Variants in ITGA8 observed in about 807,000 individuals in gnomAD.
The protein encoded by ITGA8 is integrin subunit alpha 8, also known as integrin alpha-8.
ITGA8 carries 91 observed loss-of-function variants against 142.3 expected under a neutral mutation model. That is an observed-to-expected ratio of 0.64 (90% CI 0.54 to 0.76). The LOEUF is 0.76. Among genes scored for constraint, ITGA8 ranks in the 30% least tolerant of loss-of-function variants. ITGA8 has a pLI of 0.00. For synonymous variants in ITGA8, 505 were observed against 485.2 expected (o/e 1.04, Z -0.54); for missense variants, 1,406 against 1,327.7 (o/e 1.06, Z -0.92).
At chr10:15,699,750 C>T (rs1043184699) in intron 2 of ITGA8, among the ~76,000 whole-genome samples, 6 of 152,200 alleles carry the variant, frequency 3.9e-5, no homozygotes, top group East Asian at 1.9e-4. Context: ...GACATGGCAA[C>T]TGATCTCCAA....
chr10:15,577,420 A>T (rs959799366), intron 23 of ITGA8, among the ~76,000 whole-genome samples: 3 of 152,098 alleles, frequency 2.0e-5, no homozygotes, highest in Middle Eastern at 3.4e-3. Flanking sequence ...AGTACCATCT[A>T]CTCTATTTCT....
intron 2 of ITGA8, among the ~76,000 whole-genome samples, chr10:15,712,437 C>CA (rs779716061): frequency 4.0e-5 from 6 of 151,796 alleles, no homozygotes; most frequent in South Asian, 2.1e-4. Context: ...CAAAACAAAA[C>CA]AAAAAATCAC....
chr10:15,618,914 C>A (rs1028575984), intron 13 of ITGA8, among the ~76,000 whole-genome samples: 2 of 152,156 alleles, frequency 1.3e-5, no homozygotes, highest in Admixed American at 1.3e-4. Context: ...CTCTAGAGAA[C>A]CCTGACTGAT....
chr10:15,537,154 C>G (rs963391727), intron 27 of ITGA8, among the ~76,000 whole-genome samples: 1 of 152,168 alleles, frequency 6.6e-6, no homozygotes, highest in Non-Finnish European at 1.5e-5. Context: ...CAGAAACCAA[C>G]ATAACGCAAC....
intron 13 of ITGA8, among the ~76,000 whole-genome samples, chr10:15,636,967 A>T (rs937421743): frequency 2.0e-5 from 3 of 152,180 alleles, no homozygotes; most frequent in Non-Finnish European, 4.4e-5. Flanking sequence ...CAACATGGTG[A>T]AACCCCATCT....
chr10:15,606,244 C>T lies in ITGA8; in HGVS notation c.1902+41G>A, dbSNP rs2282383. 1,200,045 of 1,554,668 alleles carry T rather than the reference C, an allele frequency of 0.77. 465,916 individuals are homozygous for T. The highest frequency in any genetic ancestry group is 0.87 in the South Asian group (74,213 of 84,942). On this transcript the variant is annotated intron_variant, in intron 18 of 29. Coordinates refer to ENST00000378076, the MANE Select transcript of ITGA8 (RefSeq NM_003638.3). ...GCCATGAGAACAACACCCCAGAGAG[C>T]TTGCTTGAGAAAATGCCGTCAAAGA...
At chr10:15,716,066 C>T (rs1835445424) in intron 2 of ITGA8, among the ~76,000 whole-genome samples, 1 of 152,226 alleles carries the variant, frequency 6.6e-6, no homozygotes, top group African/African-American at 2.4e-5. Context: ...TTCTCCTCCC[C>T]AGTGGGACCT....
intron 13 of ITGA8, among the ~76,000 whole-genome samples, chr10:15,617,697 C>A (rs374853982): frequency 3.9e-5 from 6 of 152,188 alleles, no homozygotes; most frequent in African/African-American, 1.4e-4. Context: ...CTGCACCTGG[C>A]GGGCTTTTCT....
intron 13 of ITGA8, among the ~76,000 whole-genome samples, chr10:15,631,430 G>C (rs7078143): frequency 0.22 from 32,823 of 151,694 alleles, 3,839 homozygotes; most frequent in Admixed American, 0.31. Flanking sequence ...CATGGATGAA[G>C]CTGGAAGTCA....
intron 22 of ITGA8, among the ~76,000 whole-genome samples, chr10:15,587,865 T>A (rs1588660787): frequency 6.6e-6 from 1 of 152,198 alleles, no homozygotes; most frequent in Non-Finnish European, 1.5e-5. Flanking sequence ...GTGTGTGCTA[T>A]AAGGAAAATA....
intron 28 of ITGA8, among the ~76,000 whole-genome samples, chr10:15,528,748 G>A (rs1408612509): frequency 6.6e-6 from 1 of 152,108 alleles, no homozygotes; most frequent in Non-Finnish European, 1.5e-5. Context: ...ATAAGCCTTT[G>A]AACATTTTTA....
intron 11 of ITGA8, among the ~76,000 whole-genome samples, chr10:15,647,468 T>TTG (rs1420571851): frequency 2.1e-5 from 3 of 144,942 alleles, no homozygotes; most frequent in Non-Finnish European, 3.0e-5. Context: ...TTTTTTTTTT[T>TTG]TTTTTGAGAC....
At chr10:15,548,098 A>ATTTTTTT (rs1213511861) in intron 27 of ITGA8, among the ~76,000 whole-genome samples, 1,493 of 147,254 alleles carry the variant, frequency 0.01, 35 homozygotes, top group African/African-American at 0.035. Context: ...TCAAGTTTTA[A>ATTTTTTT]TTTTTTTTTT....
intron 10 of ITGA8, among the ~76,000 whole-genome samples, chr10:15,657,744 T>C (rs1834213142): frequency 6.6e-6 from 1 of 152,190 alleles, no homozygotes; most frequent in African/African-American, 2.4e-5. Flanking sequence ...TCAAATTTAA[T>C]TAACATGGTT....
At chr10:15,642,203 T>A (rs147388070) in intron 13 of ITGA8, among the ~76,000 whole-genome samples, 78 of 152,342 alleles carry the variant, frequency 5.1e-4, no homozygotes, top group African/African-American at 1.8e-3. Context: ...TTTCCCTTCC[T>A]GCTGCTTTTA....
chr10:15,666,532 G>A (rs558388247), intron 8 of ITGA8, among the ~76,000 whole-genome samples: 6 of 152,106 alleles, frequency 3.9e-5, no homozygotes, highest in East Asian at 3.9e-4. Context: ...CCTGATTGCC[G>A]TGGCCAGAAC....
intron 8 of ITGA8, among the ~76,000 whole-genome samples, chr10:15,671,145 G>A (rs977591517): frequency 6.6e-6 from 1 of 152,170 alleles, no homozygotes; most frequent in African/African-American, 2.4e-5. Flanking sequence ...CAGGAGATAG[G>A]GATTCGTTTG....
chr10:15,644,423 A>G (rs1833929510), intron 12 of ITGA8, among the ~76,000 whole-genome samples: 1 of 120,126 alleles, frequency 8.3e-6, no homozygotes, highest in African/African-American at 3.1e-5. Flanking sequence ...GCATACCACC[A>G]TGTCAGGCTA....
At chr10:15,665,233 T>C (rs920118210) in intron 8 of ITGA8, among the ~76,000 whole-genome samples, 4 of 152,242 alleles carry the variant, frequency 2.6e-5, no homozygotes, top group African/African-American at 9.6e-5. Context: ...TGGTATCTCA[T>C]TGTGGTTTTG....
Sources: allele counts gnomAD v4.1 joint callset (sites outside exome capture counted in the v4.1 genomes callset), GRCh38; gene constraint gnomAD v4.1.1; transcripts MANE v1.5; gene names NCBI Gene and HGNC (gene_info 2026-07-23, HGNC 2026-07-21).